Variants in MAD1L1 observed in about 807,000 individuals in gnomAD.
MAD1L1 encodes mitotic arrest deficient 1 like 1, also known as mitotic spindle assembly checkpoint protein MAD1.
MAD1L1 carries 95 observed loss-of-function variants against 96.9 expected under a neutral mutation model. That is an observed-to-expected ratio of 0.98 (90% CI 0.83 to 1.16). The LOEUF is 1.16. Ranked by LOEUF, MAD1L1 falls within the 50% of genes most tolerant of loss-of-function variation. MAD1L1 has a pLI of 0.00. For synonymous variants in MAD1L1, 473 were observed against 396.6 expected (o/e 1.19, Z -2.29); for missense variants, 1,007 against 954.4 (o/e 1.06, Z -0.73).
chr7:2,013,859 TC>T (rs1039410489), intron 13 of MAD1L1, among the ~76,000 whole-genome samples: 1 of 152,234 alleles, frequency 6.6e-6, no homozygotes, highest in East Asian at 1.9e-4. Context: ...AGCTCCTTCT[TC>T]CCACTGCACA....
intron 18 of MAD1L1, among the ~76,000 whole-genome samples, chr7:1,896,039 C>T (rs900356224): frequency 3.9e-5 from 6 of 152,228 alleles, no homozygotes; most frequent in Admixed American, 3.3e-4. Context: ...CTCCTCAGGG[C>T]GAGCCCGGCC....
At chr7:2,228,926 G>T (rs1336631043) in intron 3 of MAD1L1, among the ~76,000 whole-genome samples, 1 of 151,734 alleles carries the variant, frequency 6.6e-6, no homozygotes, top group Non-Finnish European at 1.5e-5. Flanking sequence ...GTAGAGACAG[G>T]GTTTCACCGT....
At chr7:1,874,602 A>G in intron 18 of MAD1L1, 1 of 441,252 alleles carries the variant, frequency 2.3e-6, no homozygotes, top group Admixed American at 2.6e-5. Flanking sequence ...CATTACCCAG[A>G]GGCAGGTGGC....
chr7:1,986,359 G>A (rs374441572), intron 14 of MAD1L1, among the ~76,000 whole-genome samples: 2 of 151,660 alleles, frequency 1.3e-5, no homozygotes, highest in South Asian at 2.1e-4. Context: ...CCACACGCCA[G>A]TCCAGCTTGG....
chr7:1,869,056 G>A (rs924083534), intron 18 of MAD1L1, among the ~76,000 whole-genome samples: 3 of 152,172 alleles, frequency 2.0e-5, no homozygotes, highest in Admixed American at 6.5e-5. Flanking sequence ...GAATGGCACC[G>A]ACGCAACTGG....
intron 17 of MAD1L1, among the ~76,000 whole-genome samples, chr7:1,928,575 G>A (rs1789236332): frequency 1.3e-5 from 2 of 152,234 alleles, no homozygotes; most frequent in South Asian, 4.1e-4. Flanking sequence ...AACAGGCATG[G>A]TCCTGCACTT....
chr7:2,058,052 G>A (rs1374804220), intron 12 of MAD1L1, among the ~76,000 whole-genome samples: 1 of 107,166 alleles, frequency 9.3e-6, no homozygotes, highest in East Asian at 2.6e-4. Context: ...GCGCGGGGCT[G>A]GAGAGGGAGT....
intron 18 of MAD1L1, among the ~76,000 whole-genome samples, chr7:1,883,723 C>A (rs1015610080): frequency 6.6e-6 from 1 of 152,226 alleles, no homozygotes; most frequent in African/African-American, 2.4e-5. Flanking sequence ...GCAGAGGGTG[C>A]AGGTCCAGGC....
chr7:1,826,874 G>A (rs552215059), intron 18 of MAD1L1, among the ~76,000 whole-genome samples: 7 of 152,204 alleles, frequency 4.6e-5, no homozygotes, highest in Admixed American at 6.5e-5. Context: ...TTATCTTCCC[G>A]GCGAGGGTGA....
intron 13 of MAD1L1, among the ~76,000 whole-genome samples, chr7:2,008,382 G>A (rs117302256): frequency 0.021 from 3,226 of 152,320 alleles, 61 homozygotes; most frequent in Non-Finnish European, 0.036. Flanking sequence ...CTGACTGTGG[G>A]GCTGCCCAGT....
chr7:2,086,698 C>A (rs1431558067), intron 11 of MAD1L1, among the ~76,000 whole-genome samples: 1 of 152,182 alleles, frequency 6.6e-6, no homozygotes, highest in Non-Finnish European at 1.5e-5. Flanking sequence ...ATTACAGTTG[C>A]CTGCCACCAC....
chr7:2,123,441 GC>G (rs1190846889), intron 11 of MAD1L1, among the ~76,000 whole-genome samples: 1 of 152,172 alleles, frequency 6.6e-6, no homozygotes, highest in African/African-American at 2.4e-5. Context: ...GAGAGAGGGC[GC>G]TGGTGAGGCC....
intron 11 of MAD1L1, among the ~76,000 whole-genome samples, chr7:2,079,162 G>A (rs569339676): frequency 6.6e-6 from 1 of 152,344 alleles, no homozygotes; most frequent in Non-Finnish European, 1.5e-5. Context: ...CGCACTCAGT[G>A]GCACAGGTGG....
At chr7:2,023,446 G>C (rs1326763942) in intron 12 of MAD1L1, among the ~76,000 whole-genome samples, 3 of 152,152 alleles carry the variant, frequency 2.0e-5, no homozygotes, top group Non-Finnish European at 4.4e-5. Flanking sequence ...ATGGGTCAAA[G>C]AAGTCTCAAG....
At chr7:1,990,746 T>C (rs1038046455) in intron 14 of MAD1L1, among the ~76,000 whole-genome samples, 27 of 150,266 alleles carry the variant, frequency 1.8e-4, no homozygotes, top group African/African-American at 6.2e-4. Flanking sequence ...CCTGAGCACC[T>C]GCCCCACCAG....
At chr7:2,158,734 T>C (rs888930068) in intron 10 of MAD1L1, among the ~76,000 whole-genome samples, 5 of 152,086 alleles carry the variant, frequency 3.3e-5, no homozygotes, top group East Asian at 1.9e-4. Flanking sequence ...GGTCGCCAGG[T>C]TGGGAGAGAT....
chr7:1,888,032 A>G (rs13437894), intron 18 of MAD1L1, among the ~76,000 whole-genome samples: 102,749 of 147,736 alleles, frequency 0.7, 35,521 homozygotes, highest in African/African-American at 0.79. Flanking sequence ...CATGCGTGAG[A>G]CTGAGCATGT....
chr7:1,892,400 T>C (rs1458307082), intron 18 of MAD1L1, among the ~76,000 whole-genome samples: 1 of 152,206 alleles, frequency 6.6e-6, no homozygotes, highest in Non-Finnish European at 1.5e-5. Context: ...AGGTGAGTGC[T>C]GAGTATCCCT....
At chr7:1,990,003 T>C (rs1781334094) in intron 14 of MAD1L1, among the ~76,000 whole-genome samples, 1 of 152,242 alleles carries the variant, frequency 6.6e-6, no homozygotes, top group Non-Finnish European at 1.5e-5. Flanking sequence ...GGGCCTTCCC[T>C]AATGCCACAA....
Sources: gnomAD v4.1 joint callset for allele counts (sites outside exome capture counted in the v4.1 genomes callset) on GRCh38, gnomAD v4.1.1 for gene constraint, MANE v1.5 for transcripts, NCBI Gene and HGNC (gene_info 2026-07-23, HGNC 2026-07-21) for gene names.